ABHD2: variants seen among roughly 807,000 people sequenced by gnomAD.
ABHD2 encodes the protein monoacylglycerol lipase ABHD2.
ABHD2 carries 20 observed loss-of-function variants against 48.1 expected under a neutral mutation model. The observed-to-expected ratio is 0.42, with a 90% CI of 0.29 to 0.60. The LOEUF is 0.60. ABHD2 is among the 20% of genes least tolerant of loss of function. The pLI is 0.24. For synonymous variants in ABHD2, 209 were observed against 214.2 expected, an observed-to-expected ratio of 0.98 and a Z score of 0.21; for missense variants, 405 against 550.9, an observed-to-expected ratio of 0.74 and a Z score of 2.65.
rs1393243462 is a variant in ABHD2, at chr15:89,179,528, T to A, written c.722+3533T>A. On this transcript the variant is annotated intron_variant, in intron 6 of 10. Transcript: ENST00000352732. The surrounding 1 kb of genome is among the most constrained non-coding windows in gnomAD (Gnocchi z 4.3). The stretch of plus-strand genomic sequence containing the variant: ...CCCATCACCCCCAGATGGGACTGTC[T>A]AGTTGCAGGAAAATAAGCTCAGGGA... 6.6e-6 allele frequency among the ~76,000 whole-genome samples: 1 copy of A among 152,192 alleles called. No individual in the cohort carries two copies. Among genetic ancestry groups the A allele is most frequent in the Non-Finnish European group, 1.5e-5 (1 of 68,032 alleles).
chr15:89,058,905 A>G, the ABHD2 span, among the ~76,000 whole-genome samples: 2 of 151,460 alleles, frequency 1.3e-5, no homozygotes, highest in African/African-American at 2.4e-5. Context: ...ACAGAGTGCC[A>G]TTTCTCTCTC....
At chr15:89,051,778 T>C in the ABHD2 span, among the ~76,000 whole-genome samples, 50 of 152,296 alleles carry the variant, frequency 3.3e-4, no homozygotes, top group Non-Finnish European at 4.6e-4. Context: ...TCCCCAGCCA[T>C]CTGGAACTGT....
chr15:89,055,477 C>T, the ABHD2 span, among the ~76,000 whole-genome samples: 1 of 151,724 alleles, frequency 6.6e-6, no homozygotes, highest in Non-Finnish European at 1.5e-5. Context: ...GGACTATAGG[C>T]GAATGCCATC....
chr15:89,064,219 C>CCTT, the ABHD2 span, among the ~76,000 whole-genome samples: 1 of 119,598 alleles, frequency 8.4e-6, no homozygotes, highest in Admixed American at 9.2e-5. Context: ...ACATTGTGTC[C>CCTT]TTTTTTTTTT....
intron 5 of ABHD2, among the ~76,000 whole-genome samples, chr15:89,158,816 C>G (rs2050715694): frequency 1.3e-5 from 2 of 151,826 alleles, no homozygotes; most frequent in African/African-American, 2.4e-5. Context: ...AGACTCAAGC[C>G]AGCTTCCCAC....
the ABHD2 span, among the ~76,000 whole-genome samples, chr15:89,045,386 A>G: frequency 1.3e-5 from 2 of 151,866 alleles, no homozygotes; most frequent in Non-Finnish European, 1.5e-5. Context: ...TTGGCGATGC[A>G]GGCTCTTTTT....
chr15:89,079,103 C>A, the ABHD2 span, among the ~76,000 whole-genome samples: 1 of 152,140 alleles, frequency 6.6e-6, no homozygotes, highest in South Asian at 2.1e-4. The surrounding 1 kb of genome is among the most constrained non-coding windows in gnomAD (Gnocchi z 4.3). Context: ...TTCCTCTGCC[C>A]ACCCAAGACA....
At chr15:89,061,044 A>G in the ABHD2 span, among the ~76,000 whole-genome samples, 4 of 152,166 alleles carry the variant, frequency 2.6e-5, no homozygotes, top group Non-Finnish European at 5.9e-5. Context: ...ATGGGTACTC[A>G]TGGACATAAT....
At chr15:89,150,985 C>A (rs191026512) in intron 3 of ABHD2, among the ~76,000 whole-genome samples, 11 of 152,358 alleles carry the variant, frequency 7.2e-5, no homozygotes, top group South Asian at 2.1e-4. Flanking sequence ...TTCCTACCAA[C>A]GCCTAGAGTC....
intron 3 of ABHD2, among the ~76,000 whole-genome samples, chr15:89,118,802 A>G (rs2050002811): frequency 6.6e-6 from 1 of 152,112 alleles, no homozygotes; most frequent in Non-Finnish European, 1.5e-5. Flanking sequence ...GGCAGTTTTT[A>G]CCTCCTTTTC....
At chr15:89,056,097 C>G in the ABHD2 span, among the ~76,000 whole-genome samples, 1 of 152,174 alleles carries the variant, frequency 6.6e-6, no homozygotes, top group Non-Finnish European at 1.5e-5. Context: ...AAGCAATCCT[C>G]TGACCACAGA....
At chr15:89,153,753 A>G (rs1419362952) in intron 4 of ABHD2, among the ~76,000 whole-genome samples, 1 of 152,210 alleles carries the variant, frequency 6.6e-6, no homozygotes, top group Non-Finnish European at 1.5e-5. Context: ...AAAAATAAGA[A>G]TCACCCATAA....
chr15:89,076,101 T>C, the ABHD2 span, among the ~76,000 whole-genome samples: 1 of 152,222 alleles, frequency 6.6e-6, no homozygotes, highest in Non-Finnish European at 1.5e-5. Context: ...GCTTGCTCTC[T>C]TTCTCTCTCA....
At chr15:89,050,706 G>A in the ABHD2 span, among the ~76,000 whole-genome samples, 1 of 152,132 alleles carries the variant, frequency 6.6e-6, no homozygotes, top group Non-Finnish European at 1.5e-5. Flanking sequence ...CCAGGCAACT[G>A]TTTCTAGGTT....
rs575519073 is a variant in ABHD2 at position 89,200,091 on chromosome 15, C to T, written c.*4668C>T. 9.2e-5 allele frequency: 14 copies of T among 152,214 alleles called. No individual in the cohort carries two copies. Among genetic ancestry groups the T allele is most frequent in the Admixed American group, 9.2e-4 (14 of 15,282 alleles). The allele number at this position is 152,214 out of a possible 1,614,324, so 9.4% of individuals were successfully genotyped here. A position where few individuals can be genotyped will look rare whatever the true frequency, so the allele number is the denominator to read the frequency against. On this transcript the variant is annotated 3_prime_UTR_variant, in exon 11 of 11. Transcript: ENST00000352732. ...CCCTGTGTTTTCTGAACTGTTTTTC[C>T]TAGCATGTATGTGGGTAGAGCTTTC... is the stretch of plus-strand genomic sequence containing the variant.
At chr15:89,070,959 G>A in the ABHD2 span, among the ~76,000 whole-genome samples, 8 of 151,902 alleles carry the variant, frequency 5.3e-5, no homozygotes, top group Admixed American at 2.0e-4. Context: ...TAATGAAGGC[G>A]TGTGCCTTCC....
chr15:89,189,783 T>C lies in ABHD2; in HGVS notation c.927-1297T>C, dbSNP rs1194656280. Among the ~76,000 whole-genome samples, 2 of 152,024 alleles carry C rather than the reference T, an allele frequency of 1.3e-5. No individual in the cohort carries two copies. Among genetic ancestry groups the C allele is most frequent in the Non-Finnish European group, 2.9e-5 (2 of 68,036 alleles). ...AAGTGTGTGACTGTATTGCGGTGTGTGGTAAGAAAAAACAAATTAAATTTC... is the reference window on the plus strand; with the variant it reads ...AAGTGTGTGACTGTATTGCGGTGTGCGGTAAGAAAAAACAAATTAAATTTC... On this transcript the variant is annotated intron_variant, in intron 8 of 10. Transcript: ENST00000352732. The surrounding 1 kb of genome is among the most constrained non-coding windows in gnomAD (Gnocchi z 4.9).
intron 3 of ABHD2, among the ~76,000 whole-genome samples, chr15:89,127,465 G>A (rs2050146850): frequency 1.3e-5 from 2 of 151,878 alleles, no homozygotes; most frequent in African/African-American, 2.4e-5. Context: ...TAATGCCATT[G>A]CCATGACCAA....
At chr15:89,045,132 G>A in the ABHD2 span, among the ~76,000 whole-genome samples, 14 of 152,140 alleles carry the variant, frequency 9.2e-5, 1 homozygote, top group East Asian at 7.7e-4. Context: ...TGGCTAGCCC[G>A]TTTTCCCAGC....
Sources: allele counts gnomAD v4.1 joint callset (sites outside exome capture counted in the v4.1 genomes callset), GRCh38; gene constraint gnomAD v4.1.1; non-coding constraint Gnocchi (gnomAD v3.1); transcripts MANE v1.5; gene names NCBI Gene and HGNC (gene_info 2026-07-23, HGNC 2026-07-21).